Variants in KIF13B observed in about 807,000 individuals in gnomAD.
KIF13B encodes the protein kinesin-like protein KIF13B.
Under a neutral mutation model 222.0 loss-of-function variants are expected in KIF13B, and 127 were observed. The ratio of observed to expected loss-of-function variants is 0.57; its 90% CI spans 0.50 to 0.66. KIF13B has a LOEUF of 0.66. KIF13B is among the 30% of genes least tolerant of loss of function. The pLI is 0.00. For missense variants in KIF13B, 2,173 were observed against 2,379.0 expected (o/e 0.91, Z 1.80); for synonymous variants, 976 against 919.0 (o/e 1.06, Z -1.12).
At chr8:29,262,682 G>A (rs928847956) in intron 1 of KIF13B, among the ~76,000 whole-genome samples, 5 of 151,482 alleles carry the variant, frequency 3.3e-5, no homozygotes, top group Non-Finnish European at 4.4e-5. Context: ...GAACCTCCGG[G>A]GGAGACGAGA....
chr8:29,146,778 C>T (rs1159233663), intron 17 of KIF13B, among the ~76,000 whole-genome samples: 1 of 152,144 alleles, frequency 6.6e-6, no homozygotes, highest in Non-Finnish European at 1.5e-5. Flanking sequence ...ACAGCAGTGC[C>T]CCTGTATGCA....
At chr8:29,076,115 C>T (rs1020877494) in intron 37 of KIF13B, among the ~76,000 whole-genome samples, 6 of 152,162 alleles carry the variant, frequency 3.9e-5, no homozygotes, top group African/African-American at 1.2e-4. Context: ...AGGGAAGCCT[C>T]GGGGAGAGAA....
chr8:29,124,882 C>CA (rs1810038660), intron 26 of KIF13B, among the ~76,000 whole-genome samples: 3 of 138,676 alleles, frequency 2.2e-5, no homozygotes, highest in African/African-American at 8.3e-5. Context: ...AAACTCCATC[C>CA]CAAAAAAAAA....
At chr8:29,112,216 C>T (rs1047091909) in intron 32 of KIF13B, among the ~76,000 whole-genome samples, 2 of 152,114 alleles carry the variant, frequency 1.3e-5, no homozygotes, top group African/African-American at 2.4e-5. Context: ...GGGCGGATCA[C>T]GAGGTCAGGA....
Position 29,109,430 on chromosome 8 carries a change from T to A in KIF13B, c.4161+4A>T. The A allele has an allele frequency of 1.9e-6, 3 of 1,610,388 alleles. No homozygotes were observed. The highest frequency in any genetic ancestry group is 2.5e-6 in the Non-Finnish European group (3 of 1,176,626). On this transcript the variant is annotated splice_donor_region_variant and intron_variant, in intron 34 of 39. Coordinates refer to ENST00000524189, the MANE Select transcript of KIF13B (RefSeq NM_015254.4). The stretch of plus-strand genomic sequence containing the variant: ...CAGCACAGAGCTTGGTTCCACACAC[T>A]CACTCTGTTCACATTTGGAGAACTG...
At chr8:29,215,967 T>A (rs1168194997) in intron 2 of KIF13B, among the ~76,000 whole-genome samples, 1 of 152,184 alleles carries the variant, frequency 6.6e-6, no homozygotes, top group East Asian at 1.9e-4. Context: ...CATACATGGG[T>A]GTGTATGTAG....
At chr8:29,082,564 A>T (rs1346352838) in intron 37 of KIF13B, among the ~76,000 whole-genome samples, 4 of 152,030 alleles carry the variant, frequency 2.6e-5, no homozygotes, top group African/African-American at 4.8e-5. Context: ...ACTTGCGCCC[A>T]GGAGTTCGAA....
chr8:29,124,658 C>T (rs1302598880), intron 26 of KIF13B, among the ~76,000 whole-genome samples: 3 of 152,020 alleles, frequency 2.0e-5, no homozygotes, highest in African/African-American at 4.8e-5. Context: ...TCAAGGCAGG[C>T]AGATAACCTG....
intron 2 of KIF13B, among the ~76,000 whole-genome samples, chr8:29,218,137 C>T (rs1814578535): frequency 6.6e-6 from 1 of 152,172 alleles, no homozygotes; most frequent in African/African-American, 2.4e-5. Flanking sequence ...GGTTCCTGAA[C>T]ACCTTTAACA....
intron 30 of KIF13B, 66 bp downstream of exon 30, chr8:29,118,802 A>AAAAGCTCG: frequency 6.4e-7 from 1 of 1,558,818 alleles, no homozygotes; most frequent in Non-Finnish European, 8.7e-7. Flanking sequence ...TATTGTTTCA[A>AAAAGCTCG]AAAGCTCGAG....
chr8:29,214,790 C>G (rs1586936177), intron 2 of KIF13B, among the ~76,000 whole-genome samples: 1 of 152,276 alleles, frequency 6.6e-6, no homozygotes, highest in East Asian at 1.9e-4. Flanking sequence ...ATAAATGCAT[C>G]AGTAATGCAT....
intron 2 of KIF13B, among the ~76,000 whole-genome samples, chr8:29,208,410 T>C (rs953778671): frequency 6.6e-6 from 1 of 152,230 alleles, no homozygotes; most frequent in Non-Finnish European, 1.5e-5. Flanking sequence ...TAAATCTGTA[T>C]AAATAAAATG....
chr8:29,068,920 G>C lies in KIF13B; in HGVS notation c.*1584C>G, dbSNP rs890415085. 64 of 152,274 alleles carry C rather than the reference G, an allele frequency of 4.2e-4. 2 individuals carry two copies. Among genetic ancestry groups the C allele is most frequent in the African/African-American group, 1.4e-3 (57 of 41,558 alleles). 9.4% of individuals were successfully genotyped at this position (152,274 alleles called of 1,614,324 possible). A position where few individuals can be genotyped will look rare whatever the true frequency, so the allele number is the denominator to read the frequency against. ...GCCCTGGAGGAGTGCCTCCCCCCAG[G>C]GGCCGGGCCCTCTGCCAGCCCGGCC... On this transcript the variant is annotated 3_prime_UTR_variant, in exon 40 of 40. Coordinates refer to ENST00000524189, the MANE Select transcript of KIF13B (RefSeq NM_015254.4). The surrounding 1 kb of genome is among the most constrained non-coding windows in gnomAD (Gnocchi z 4.4).
intron 16 of KIF13B, 120 bp downstream of exon 16, chr8:29,148,457 G>C: frequency 1.8e-6 from 1 of 559,104 alleles, no homozygotes; most frequent in South Asian, 4.2e-5. Flanking sequence ...AAAGAGCAGT[G>C]GTTATTCACG....
At chr8:29,100,758 T>G (rs886671416) in intron 35 of KIF13B, among the ~76,000 whole-genome samples, 1 of 152,162 alleles carries the variant, frequency 6.6e-6, no homozygotes, top group Non-Finnish European at 1.5e-5. Flanking sequence ...CAAGTTTTCT[T>G]TACTAATTGC....
chr8:29,103,808 A>G (rs1405673454), intron 35 of KIF13B, among the ~76,000 whole-genome samples: 1 of 152,082 alleles, frequency 6.6e-6, no homozygotes, highest in Non-Finnish European at 1.5e-5. Flanking sequence ...CGTCCTCACT[A>G]AGTTACTCGG....
At chr8:29,180,599 T>A (rs971467804) in intron 7 of KIF13B, among the ~76,000 whole-genome samples, 7 of 152,300 alleles carry the variant, frequency 4.6e-5, no homozygotes, top group Non-Finnish European at 7.4e-5. Flanking sequence ...ATTGTTAAAT[T>A]AGATTATACA....
chr8:29,143,223 A>G (rs771061789), intron 18 of KIF13B, among the ~76,000 whole-genome samples: 1 of 152,216 alleles, frequency 6.6e-6, no homozygotes, highest in Admixed American at 6.5e-5. Flanking sequence ...AGTTGAAATA[A>G]AAGTATTTTA....
intron 2 of KIF13B, among the ~76,000 whole-genome samples, chr8:29,229,781 G>A (rs748621188): frequency 6.6e-6 from 1 of 152,102 alleles, no homozygotes; most frequent in Non-Finnish European, 1.5e-5. Context: ...GCTATCTGGG[G>A]CATCAAGAAA....
Sources: allele counts gnomAD v4.1 joint callset (sites outside exome capture counted in the v4.1 genomes callset), GRCh38; gene constraint gnomAD v4.1.1; non-coding constraint Gnocchi (gnomAD v3.1); transcripts MANE v1.5; gene names NCBI Gene and HGNC (gene_info 2026-07-23, HGNC 2026-07-21).